Variants in ZNF732 observed in about 807,000 individuals in gnomAD.
ZNF732 encodes zinc finger protein 732.
A neutral mutation model predicts 11.5 loss-of-function variants in ZNF732; 12 were observed. That is an observed-to-expected ratio of 1.05 (90% CI 0.67 to 1.70). ZNF732 has a LOEUF of 1.70. Among genes scored for constraint, ZNF732 ranks in the 40% most tolerant of loss-of-function variants. The pLI is 0.00. For missense variants in ZNF732, 702 were observed against 676.9 expected (o/e 1.04, Z -0.41); for synonymous variants, 231 against 236.5 (o/e 0.98, Z 0.21).
chr4:298,430 T>C (rs978219576), intron 1 of ZNF732, among the ~76,000 whole-genome samples: 8 of 150,366 alleles, frequency 5.3e-5, no homozygotes, highest in African/African-American at 1.7e-4. Flanking sequence ...AAAAAAAAAC[T>C]AGAAACCTGG....
At chr4:277,837 A>C (rs559995815) in intron 3 of ZNF732, among the ~76,000 whole-genome samples, 2 of 152,262 alleles carry the variant, frequency 1.3e-5, no homozygotes, top group East Asian at 3.9e-4. Flanking sequence ...TTAATTTTTT[A>C]ATTAAATGGG....
chr4:282,642 C>T (rs1330937001), intron 3 of ZNF732, among the ~76,000 whole-genome samples: 1 of 152,092 alleles, frequency 6.6e-6, no homozygotes, highest in Admixed American at 6.6e-5. Flanking sequence ...TTCAAGGCTG[C>T]ACTGAGCTGT....
Position 296,074 on chromosome 4 carries a change from A to T in ZNF732, c.85T>A (p.Tyr29Asn), listed in dbSNP as rs1553842231. ...KCLDPAQQNL[Y>N]RDVMLENYRN... ...TAGTTCTCCAACATCACATCTCTAT[A>T]CAAATTCTGCTGGGCAGGGTCCAGG... Residue 29 changes from tyrosine to asparagine, a missense_variant, in exon 2 of 4, where the codon TAT becomes AAT. Transcript: ENST00000419098. 2.5e-6 allele frequency: 4 copies of T among 1,613,874 alleles called. No homozygotes were observed. The highest frequency in any genetic ancestry group is 2.5e-6 in the Non-Finnish European group (3 of 1,179,956).
chr4:300,246 A>G, intron 1 of ZNF732, among the ~76,000 whole-genome samples: 1 of 150,682 alleles, frequency 6.6e-6, no homozygotes. Context: ...AGGGATCAAG[A>G]GGTCAGGAGA....
chr4:295,334 A>G, intron 3 of ZNF732, 104 bp downstream of exon 3: 3 of 877,346 alleles, frequency 3.4e-6, no homozygotes, highest in Non-Finnish European at 5.1e-6. Context: ...TTCAGAAATT[A>G]TTTTCACTGG....
intron 1 of ZNF732, among the ~76,000 whole-genome samples, chr4:297,833 G>C (rs983140451): frequency 1.3e-5 from 2 of 152,114 alleles, no homozygotes; most frequent in African/African-American, 4.8e-5. Flanking sequence ...AAGCAGTTCC[G>C]AGAGATTTCA....
At chr4:280,880 T>C (rs1719606282) in intron 3 of ZNF732, among the ~76,000 whole-genome samples, 1 of 152,230 alleles carries the variant, frequency 6.6e-6, no homozygotes, top group South Asian at 2.1e-4. Context: ...AAGTTGGTTC[T>C]ATCTGTGATC....
chr4:274,403 G>A (rs1553838389), intron 3 of ZNF732, among the ~76,000 whole-genome samples: 2 of 143,874 alleles, frequency 1.4e-5, no homozygotes, highest in Admixed American at 1.4e-4. Context: ...CAAAAAATAA[G>A]AATTAAAGGT....
intron 1 of ZNF732, among the ~76,000 whole-genome samples, chr4:297,824 A>C (rs1719986075): frequency 6.6e-6 from 1 of 152,132 alleles, no homozygotes; most frequent in African/African-American, 2.4e-5. Context: ...ATCTCCTCTA[A>C]GCAGTTCCGA....
rs146854504 is a variant in ZNF732, at chr4:299,862, A to ATT, written c.4-3709_4-3708dup. 4.9e-4 allele frequency among the ~76,000 whole-genome samples: 61 copies of ATT among 124,326 alleles called. No individual in the cohort carries two copies. The South Asian group carries it at 0.012, about 25-fold the overall frequency. The allele number at this position is 124,326 out of a possible 152,430, so 81.6% of individuals were successfully genotyped here. ...CAGGCATGCGCCACCATGCCGGCTAATTTTTTTTTTTTTTTTTTTTAAGTA... is the reference window on the plus strand; with the variant it reads ...CAGGCATGCGCCACCATGCCGGCTAATTTTTTTTTTTTTTTTTTTTTTAAGTA... On this transcript the variant is annotated intron_variant, in intron 1 of 3. Transcript: ENST00000419098.
rs1197314443 is a variant in ZNF732, at chr4:275,991, CTA to C, written c.227-3363_227-3362del. ...GTGCATAAAATTATTAATAAAATGA[CTA>C]AGCTGAATATTTAAAAATATATAAG... is the stretch of plus-strand genomic sequence containing the variant. On this transcript the variant is annotated intron_variant, in intron 3 of 3. Transcript: ENST00000419098. Among the ~76,000 whole-genome samples the C allele has an allele frequency of 3.3e-5, 5 of 151,594 alleles. No homozygotes were observed. In the East Asian group the frequency reaches 7.7e-4, roughly 23 times the overall value.
intron 3 of ZNF732, among the ~76,000 whole-genome samples, chr4:278,691 A>G (rs1719550768): frequency 6.6e-6 from 1 of 152,228 alleles, no homozygotes; most frequent in Non-Finnish European, 1.5e-5. Flanking sequence ...ACTGGGCCTC[A>G]TGCCAAACAA....
chr4:283,744 C>T (rs137895069), intron 3 of ZNF732, among the ~76,000 whole-genome samples: 1 of 152,114 alleles, frequency 6.6e-6, no homozygotes, highest in South Asian at 2.1e-4. Flanking sequence ...TATAAAACAA[C>T]TGCACCAAAA....
At position 271,772 on chromosome 4, in the gene ZNF732, T is replaced by C. The variant is rs1553837574; in HGVS notation, c.1085A>G (p.Tyr362Cys). ...GGCTTTGCCACATTGTTCACATTTG[T>C]AGGGCTTCTCTCCAGTATGAATTCT... ...HKRIHTGEKP[Y>C]KCEQCGKAFR... is the part of the protein sequence containing the mutation. Residue 362 changes from tyrosine to cysteine, a missense_variant, in exon 4 of 4, where the codon TAC becomes TGC. Tyr to Cys is a radical substitution (Grantham distance 194, BLOSUM62 -2). Coordinates refer to ENST00000419098, the MANE Select transcript of ZNF732 (RefSeq NM_001137608.3). 2.5e-6 allele frequency: 4 copies of C among 1,612,432 alleles called. No individual in the cohort carries two copies. The highest frequency in any genetic ancestry group is 3.4e-6 in the Non-Finnish European group (4 of 1,178,984).
chr4:303,941 T>A (rs1205835232), intron 1 of ZNF732, among the ~76,000 whole-genome samples: 11 of 152,108 alleles, frequency 7.2e-5, no homozygotes, highest in African/African-American at 2.7e-4. Context: ...GTGCTACAAG[T>A]GCAGGTCTAG....
chr4:304,268 G>GTT lies in ZNF732; in HGVS notation c.3+1038_3+1039dup, dbSNP rs1461853076. Among the ~76,000 whole-genome samples, 5 of 152,014 alleles carry GTT rather than the reference G, an allele frequency of 3.3e-5. No individual in the cohort carries two copies. In the East Asian group the frequency reaches 9.7e-4, roughly 29 times the overall value. ...TGGCAGCAGGGTGCAGGGAAGGGAT[G>GTT]TTTCTCAGAACTCCTTTCCTCTAAG... On this transcript the variant is annotated intron_variant, in intron 1 of 3. Coordinates refer to ENST00000419098, the MANE Select transcript of ZNF732 (RefSeq NM_001137608.3).
chr4:290,455 C>A (rs1719823744), intron 3 of ZNF732, among the ~76,000 whole-genome samples: 1 of 152,144 alleles, frequency 6.6e-6, no homozygotes, highest in Non-Finnish European at 1.5e-5. Context: ...CAGATCCTGG[C>A]CTCAGCTGTG....
chr4:293,878 G>C (rs1231619796), intron 3 of ZNF732, among the ~76,000 whole-genome samples: 1 of 152,054 alleles, frequency 6.6e-6, no homozygotes, highest in African/African-American at 2.4e-5. Flanking sequence ...CGCAAACACA[G>C]ATATATAGTA....
At chr4:276,865 G>T (rs1390028789) in intron 3 of ZNF732, among the ~76,000 whole-genome samples, 1 of 148,668 alleles carries the variant, frequency 6.7e-6, no homozygotes, top group Admixed American at 6.7e-5. Flanking sequence ...CTAAGGGGGG[G>T]ACAAAAAAAA....
Sources: gnomAD v4.1 joint callset for allele counts (sites outside exome capture counted in the v4.1 genomes callset) on GRCh38, gnomAD v4.1.1 for gene constraint, MANE v1.5 for transcripts, NCBI Gene and HGNC (gene_info 2026-07-23, HGNC 2026-07-21) for gene names.